The following UNC13C variants were observed in gnomAD, a reference collection of about 807,000 sequenced individuals.
UNC13C encodes the protein protein unc-13 homolog C.
In UNC13C, 174 loss-of-function variants were observed where a neutral mutation model predicts 245.4. The observed-to-expected ratio is 0.71, with a 90% confidence interval of 0.63 to 0.80. UNC13C has a LOEUF of 0.80. UNC13C is among the 30% of genes least tolerant of loss of function. The pLI is 0.00. For synonymous variants in UNC13C, 992 were observed against 895.1 expected (o/e 1.11, Z -1.93); for missense variants, 2,829 against 2,602.9 (o/e 1.09, Z -1.89).
At chr15:54,453,032 C>CA (rs1186420499) in intron 19 of UNC13C, among the ~76,000 whole-genome samples, 1 of 152,146 alleles carries the variant, frequency 6.6e-6, no homozygotes, top group African/African-American at 2.4e-5. Flanking sequence ...GCTAGGTTCT[C>CA]AAAATGGCAC....
intron 13 of UNC13C, among the ~76,000 whole-genome samples, chr15:54,307,482 G>A (rs756601022): frequency 2.0e-4 from 31 of 151,952 alleles, no homozygotes; most frequent in Non-Finnish European, 1.2e-4. Context: ...GAACACAACT[G>A]TTCAGACCAC....
intron 30 of UNC13C, among the ~76,000 whole-genome samples, chr15:54,593,586 C>T (rs1386759714): frequency 6.6e-6 from 1 of 152,024 alleles, no homozygotes; most frequent in African/African-American, 2.4e-5. Flanking sequence ...TATCTTTGAG[C>T]TCTGAATTTC....
rs566970936 is a variant in UNC13C at position 54,237,444 on chromosome 15, A to G, written c.3157-175A>G. The G allele has an allele frequency of 6.6e-4, 459 of 700,428 alleles. 4 individuals are homozygous for G. In the African/African-American group the frequency reaches 7.6e-3, roughly 12 times the overall value. The allele number at this position is 700,428 out of a possible 1,614,324, so 43.4% of individuals were successfully genotyped here. A position where few individuals can be genotyped will look rare whatever the true frequency, so the allele number is the denominator to read the frequency against. Reference sequence around the variant, plus strand: ...TGAGTTGTGGGATCGTTCCAGTTTTAATATTGTATAAGTCCATATTCTGGG... The same window carrying G: ...TGAGTTGTGGGATCGTTCCAGTTTTGATATTGTATAAGTCCATATTCTGGG... On this transcript the variant is annotated intron_variant, in intron 6 of 32. Coordinates refer to ENST00000260323, the MANE Select transcript of UNC13C (RefSeq NM_001080534.3).
At chr15:54,310,187 C>G (rs1271562631) in intron 13 of UNC13C, among the ~76,000 whole-genome samples, 8 of 151,572 alleles carry the variant, frequency 5.3e-5, no homozygotes. Flanking sequence ...TACTTGTAAT[C>G]CTATTTCCAC....
intron 4 of UNC13C, among the ~76,000 whole-genome samples, chr15:54,146,430 C>A (rs1200348088): frequency 1.3e-5 from 2 of 152,130 alleles, no homozygotes; most frequent in African/African-American, 2.4e-5. Flanking sequence ...ACACTGAAAC[C>A]AGATAATGAA....
At chr15:53,840,807 G>T in the UNC13C span, among the ~76,000 whole-genome samples, 2 of 152,148 alleles carry the variant, frequency 1.3e-5, no homozygotes. Flanking sequence ...TATGTGACCA[G>T]AGCAAGTATA....
chr15:53,874,953 G>T, the UNC13C span, among the ~76,000 whole-genome samples: 2 of 152,102 alleles, frequency 1.3e-5, no homozygotes, highest in African/African-American at 2.4e-5. Context: ...AATTAGCCGG[G>T]TGTGGTGGCA....
chr15:53,984,006 C>T (rs16973930), intron 1 of UNC13C, among the ~76,000 whole-genome samples: 18,787 of 151,942 alleles, frequency 0.12, 1,790 homozygotes, highest in African/African-American at 0.26. Flanking sequence ...TATAACTTTA[C>T]GCCTGGAATA....
At chr15:54,101,823 A>C (rs1468411643) in intron 2 of UNC13C, among the ~76,000 whole-genome samples, 3 of 151,824 alleles carry the variant, frequency 2.0e-5, no homozygotes, top group African/African-American at 7.3e-5. Flanking sequence ...TGACCTCATG[A>C]TCCGCTCGCC....
chr15:54,452,348 G>A (rs1050532271), intron 19 of UNC13C, among the ~76,000 whole-genome samples: 1 of 152,128 alleles, frequency 6.6e-6, no homozygotes, highest in Non-Finnish European at 1.5e-5. Context: ...CAGTTATAGT[G>A]GTGGCTCAAT....
At chr15:54,116,087 C>CT (rs2030224159) in intron 2 of UNC13C, among the ~76,000 whole-genome samples, 2 of 151,914 alleles carry the variant, frequency 1.3e-5, no homozygotes, top group Non-Finnish European at 2.9e-5. Context: ...CATTTATATT[C>CT]TTTTTTCTCC....
At chr15:54,072,940 G>T (rs1014471278) in intron 2 of UNC13C, among the ~76,000 whole-genome samples, 1 of 151,772 alleles carries the variant, frequency 6.6e-6, no homozygotes, top group African/African-American at 2.4e-5. Context: ...ATGTAGGTTT[G>T]TTACGTAGGT....
chr15:54,193,584 C>T (rs1478337183), intron 4 of UNC13C, among the ~76,000 whole-genome samples: 1 of 152,124 alleles, frequency 6.6e-6, no homozygotes, highest in Non-Finnish European at 1.5e-5. Context: ...AGTCTGCACT[C>T]ACACCCCCAG....
the UNC13C span, among the ~76,000 whole-genome samples, chr15:53,933,501 A>C: frequency 6.6e-5 from 10 of 152,194 alleles, no homozygotes; most frequent in Admixed American, 6.5e-4. Flanking sequence ...ATTCCACAGC[A>C]CTGGGGGTGG....
rs1895569534 is a variant in UNC13C, at chr15:54,014,882, G to A, written c.1979G>A (p.Trp660Ter). ...GAGGATCTTTCTCCATGGAAGGAATGGAATCAAGGAGCTGATTTAGGCTTG... is the reference window on the plus strand; with the variant it reads ...GAGGATCTTTCTCCATGGAAGGAATAGAATCAAGGAGCTGATTTAGGCTTG... ...LHEDLSPWKEWNQGADLGLDS... is the reference protein window; with the variant it reads ...LHEDLSPWKE Residue 660 changes from tryptophan to a stop codon, truncating the protein, a stop_gained, in exon 2 of 33, where the codon TGG (tryptophan) becomes TAG (stop). Transcript: ENST00000260323. LOFTEE classifies it high-confidence loss of function. The A allele has an allele frequency of 6.2e-7, 1 of 1,613,910 alleles. No homozygotes were observed. Among genetic ancestry groups the A allele is most frequent in the Non-Finnish European group, 8.5e-7 (1 of 1,179,848 alleles).
intron 2 of UNC13C, among the ~76,000 whole-genome samples, chr15:54,131,965 T>C (rs897997741): frequency 6.6e-6 from 1 of 152,188 alleles, no homozygotes; most frequent in Non-Finnish European, 1.5e-5. Flanking sequence ...ATGTTCTCCA[T>C]GGCTGAAGAG....
At chr15:54,594,739 C>G (rs949089232) in intron 30 of UNC13C, among the ~76,000 whole-genome samples, 2 of 152,186 alleles carry the variant, frequency 1.3e-5, no homozygotes, top group African/African-American at 4.8e-5. Context: ...GAAAACTTGC[C>G]TGAGGCTTTC....
At chr15:53,935,948 G>A in the UNC13C span, among the ~76,000 whole-genome samples, 1 of 152,160 alleles carries the variant, frequency 6.6e-6, no homozygotes, top group African/African-American at 2.4e-5. Context: ...GCATATTCTA[G>A]CCCTGGGAAT....
chr15:54,185,572 G>A (rs1205010422), intron 4 of UNC13C, among the ~76,000 whole-genome samples: 2 of 150,408 alleles, frequency 1.3e-5, no homozygotes, highest in African/African-American at 5.0e-5. Context: ...TCAAAGATCA[G>A]ATAGTTGTAG....
Sources: allele counts gnomAD v4.1 joint callset (sites outside exome capture counted in the v4.1 genomes callset), GRCh38; gene constraint gnomAD v4.1.1; transcripts MANE v1.5; gene names NCBI Gene and HGNC (gene_info 2026-07-23, HGNC 2026-07-21).